SEC63: variants seen among roughly 807,000 people sequenced by gnomAD.
SEC63 encodes the protein SEC63 protein translocation regulator, also known as translocation protein SEC63 homolog.
A neutral mutation model predicts 116.2 loss-of-function variants in SEC63; 56 were observed. That is an observed-to-expected ratio of 0.48 (90% CI 0.39 to 0.60). The LOEUF is 0.60. Ranked by LOEUF, SEC63 falls within the 20% of genes least tolerant of loss-of-function variation. The pLI is 0.00. For missense variants in SEC63, 668 were observed against 900.0 expected (o/e 0.74, Z 3.30); for synonymous variants, 273 against 294.6 (o/e 0.93, Z 0.75).
intron 7 of SEC63, 57 bp downstream of exon 7, chr6:107,911,289 C>A: frequency 8.4e-7 from 1 of 1,189,580 alleles, no homozygotes; most frequent in South Asian, 1.2e-5. Context: ...AGGGAGACTC[C>A]AAAACATGTC....
At chr6:107,923,824 T>A (rs954615911) in intron 3 of SEC63, among the ~76,000 whole-genome samples, 2 of 152,058 alleles carry the variant, frequency 1.3e-5, no homozygotes, top group African/African-American at 4.8e-5. Context: ...CTGGCTGATA[T>A]TAGTTCTTTC....
chr6:107,908,854 A>C, intron 8 of SEC63, 73 bp downstream of exon 8: 1 of 798,210 alleles, frequency 1.3e-6, no homozygotes, highest in South Asian at 1.4e-5. Flanking sequence ...TATAGAGTTA[A>C]GGAATATATA....
intron 4 of SEC63, among the ~76,000 whole-genome samples, chr6:107,918,718 G>C (rs1370103772): frequency 6.7e-6 from 1 of 150,248 alleles, no homozygotes; most frequent in Non-Finnish European, 1.5e-5. Flanking sequence ...AAAACAAAAA[G>C]AAGACATACA....
chr6:107,953,457 G>C (rs939286965), intron 1 of SEC63, among the ~76,000 whole-genome samples: 3 of 138,176 alleles, frequency 2.2e-5, no homozygotes, highest in Non-Finnish European at 4.7e-5. Flanking sequence ...ACCTCTGCCC[G>C]GCCGCCCCTA....
chr6:107,912,685 A>T, intron 6 of SEC63, 31 bp downstream of exon 6: 2 of 1,443,314 alleles, frequency 1.4e-6, no homozygotes, highest in South Asian at 2.3e-5. Flanking sequence ...TGTCTAATAC[A>T]TCATAATGTA....
chr6:107,912,834 T>C, intron 5 of SEC63, 60 bp from the exon 6 acceptor site: 1 of 1,182,338 alleles, frequency 8.5e-7, no homozygotes, highest in Admixed American at 1.8e-5. Context: ...AATAAATACA[T>C]TAAATATATT....
intron 1 of SEC63, among the ~76,000 whole-genome samples, chr6:107,929,784 C>T (rs1365330289): frequency 2.6e-5 from 4 of 152,106 alleles, no homozygotes; most frequent in African/African-American, 7.2e-5. Context: ...TGACTTGCAC[C>T]CAAAATATTT....
chr6:107,925,881 G>A (rs568222380), intron 2 of SEC63, among the ~76,000 whole-genome samples: 86 of 152,122 alleles, frequency 5.7e-4, no homozygotes, highest in African/African-American at 2.0e-3. Flanking sequence ...ACGGAGTCTC[G>A]CTCTGTTGCC....
At chr6:107,910,280 A>T (rs1435706971) in intron 7 of SEC63, among the ~76,000 whole-genome samples, 1 of 152,150 alleles carries the variant, frequency 6.6e-6, no homozygotes, top group Non-Finnish European at 1.5e-5. Context: ...AGCCTGGGCA[A>T]CGTGGCAAGA....
At position 107,871,293 on chromosome 6, in the gene SEC63, G is replaced by A. The variant is rs140498555; in HGVS notation, c.*411C>T. ...TGAGCGATGTTACTTAAACTTGAGC[G>A]ATGTTACTTAAAACATATTTGTGGT... On this transcript the variant is annotated 3_prime_UTR_variant, in exon 21 of 21. Transcript: ENST00000369002. 3.3e-3 allele frequency: 622 copies of A among 185,976 alleles called. 4 individuals are homozygous for A. Among genetic ancestry groups the A allele is most frequent in the Non-Finnish European group, 4.5e-3 (395 of 87,578 alleles). 11.5% of individuals were successfully genotyped at this position (185,976 alleles called of 1,614,324 possible). A position where few individuals can be genotyped will look rare whatever the true frequency, so the allele number is the denominator to read the frequency against.
At chr6:107,879,714 T>A (rs1786367054) in intron 18 of SEC63, among the ~76,000 whole-genome samples, 1 of 136,702 alleles carries the variant, frequency 7.3e-6, no homozygotes. Context: ...GCTGATAAAA[T>A]GATTTTTATC....
At position 107,871,823 on chromosome 6, in the gene SEC63, C is replaced by T; in HGVS notation, c.2164G>A (p.Val722Met). 6.2e-7 allele frequency: 1 copy of T among 1,613,710 alleles called. No homozygotes were observed. The highest frequency in any genetic ancestry group is 1.1e-5 in the South Asian group (1 of 91,074). ...LKLEVHEAKP[V>M]PENHPQWDTA... ...TCCCACTGTGGGTGATTTTCTGGCA[C>T]AGGCTTAGCCTCATGAACTTCCAAC... is the stretch of plus-strand genomic sequence containing the variant. The change falls in exon 21 of 21, where the codon GTG becomes ATG. Residue 722 changes from valine (V) to methionine (M), a missense_variant. Transcript: ENST00000369002.
intron 18 of SEC63, among the ~76,000 whole-genome samples, chr6:107,880,700 G>A (rs920731295): frequency 6.6e-6 from 1 of 152,192 alleles, no homozygotes; most frequent in Non-Finnish European, 1.5e-5. Flanking sequence ...ACCAGGGTCA[G>A]AGCAATTCTA....
chr6:107,906,401 C>G (rs1245555751), intron 10 of SEC63, 47 bp downstream of exon 10: 1 of 1,601,456 alleles, frequency 6.2e-7, no homozygotes. Flanking sequence ...ATTAATTCTG[C>G]TGCTTTCATC....
intron 1 of SEC63, among the ~76,000 whole-genome samples, chr6:107,930,468 G>A (rs564472725): frequency 4.0e-5 from 6 of 151,466 alleles, no homozygotes; most frequent in African/African-American, 1.2e-4. Flanking sequence ...TTAGCCAGGC[G>A]TGGTGGTGCA....
intron 4 of SEC63, among the ~76,000 whole-genome samples, chr6:107,920,425 C>CAAAAAAAAAAAAAAAAAAAAAAA: frequency 1.4e-5 from 1 of 73,392 alleles, no homozygotes; most frequent in African/African-American, 5.5e-5. Flanking sequence ...GACTCCGTCT[C>CAAAAAAAAAAAAAAAAAAAAAAA]AAAAAAAAAA....
chr6:107,936,297 C>G (rs1201415772), intron 1 of SEC63, among the ~76,000 whole-genome samples: 2 of 152,150 alleles, frequency 1.3e-5, no homozygotes, highest in Non-Finnish European at 2.9e-5. Context: ...GTACCACAGG[C>G]CACAGTTTAC....
At chr6:107,921,640 T>C (rs1296828607) in intron 4 of SEC63, among the ~76,000 whole-genome samples, 157 bp downstream of exon 4, 3 of 151,958 alleles carry the variant, frequency 2.0e-5, no homozygotes, top group Non-Finnish European at 4.4e-5. Flanking sequence ...TTTGTAGAGA[T>C]GGGGTCTTGG....
intron 20 of SEC63, among the ~76,000 whole-genome samples, chr6:107,872,249 A>G (rs1381308341): frequency 2.6e-5 from 4 of 152,190 alleles, no homozygotes; most frequent in Non-Finnish European, 5.9e-5. Context: ...TACAGTTAAT[A>G]AAAGAAATAT....
Sources: gnomAD v4.1 joint callset for allele counts (sites outside exome capture counted in the v4.1 genomes callset) on GRCh38, gnomAD v4.1.1 for gene constraint, MANE v1.5 for transcripts, NCBI Gene and HGNC (gene_info 2026-07-23, HGNC 2026-07-21) for gene names.